Variants in ZNF521 observed in about 807,000 individuals in gnomAD.
ZNF521 encodes zinc finger protein 521.
In ZNF521, 14 loss-of-function variants were observed where a neutral mutation model predicts 105.5. That is an observed-to-expected ratio of 0.13 (90% CI 0.09 to 0.21). The LOEUF (loss-of-function observed/expected upper bound fraction) is 0.21. Ranked by LOEUF, ZNF521 falls within the 10% of genes least tolerant of loss-of-function variation. The probability of loss-of-function intolerance (pLI) is 1.00; values close to 1 mark genes in which losing one functional copy is unlikely to be tolerated. For synonymous variants in ZNF521, 635 were observed against 606.0 expected (o/e 1.05, Z -0.70); for missense variants, 1,233 against 1,629.7 (o/e 0.76, Z 4.19).
intron 3 of ZNF521, among the ~76,000 whole-genome samples, chr18:25,243,300 C>T (rs1187434157): frequency 3.3e-5 from 5 of 152,132 alleles, no homozygotes; most frequent in South Asian, 2.1e-4. Flanking sequence ...CCTCAATTTA[C>T]GTCTACTCAA....
intron 3 of ZNF521, among the ~76,000 whole-genome samples, chr18:25,232,807 T>A (rs181324734): frequency 1.3e-5 from 2 of 152,216 alleles, no homozygotes. Context: ...TTCAGTAAAT[T>A]TTTTTTTGAG....
At position 25,225,311 on chromosome 18, in the gene ZNF521, G is replaced by A. The variant is rs1275587861; in HGVS notation, c.2607C>T (p.His869=). Residue 869 remains histidine, a synonymous_variant, in exon 4 of 8, where the codon CAC becomes CAT. Transcript: ENST00000361524. The surrounding 1 kb of genome is among the most constrained non-coding windows in gnomAD (Gnocchi z 5.6). ...CTTCTTCGCTCCCATCGTGACTGTTGTGGGACTCCTGGCTGTTGGTCAGCA... is the reference window on the plus strand; with the variant it reads ...CTTCTTCGCTCCCATCGTGACTGTTATGGGACTCCTGGCTGTTGGTCAGCA... ...QTLLTNSQES[H]NSHDGSEEDV... is the part of the protein sequence containing the mutation. 6.2e-7 allele frequency: 1 copy of A among 1,614,144 alleles called. No individual in the cohort carries two copies. The highest frequency in any genetic ancestry group is 2.2e-5 in the East Asian group (1 of 44,882).
intron 2 of ZNF521, among the ~76,000 whole-genome samples, chr18:25,349,609 G>A (rs1203098291): frequency 1.3e-5 from 2 of 152,012 alleles, no homozygotes; most frequent in East Asian, 1.9e-4. Context: ...GGGGCCGGGA[G>A]GCGTGGGGCG....
chr18:25,303,270 T>C (rs1010558251), intron 3 of ZNF521, among the ~76,000 whole-genome samples: 3 of 124,864 alleles, frequency 2.4e-5, no homozygotes, highest in African/African-American at 9.6e-5. Flanking sequence ...TTTCTTTCTT[T>C]CGTGTGTGTG....
intron 5 of ZNF521, among the ~76,000 whole-genome samples, chr18:25,173,010 A>C (rs1163444549): frequency 1.3e-5 from 2 of 152,246 alleles, no homozygotes; most frequent in African/African-American, 2.4e-5. Context: ...GAAGTACGCA[A>C]ACGGTTTTAC....
intron 5 of ZNF521, among the ~76,000 whole-genome samples, chr18:25,121,643 A>C (rs572908306): frequency 6.6e-6 from 1 of 152,060 alleles, no homozygotes; most frequent in African/African-American, 2.4e-5. Flanking sequence ...CTTCCCCACC[A>C]CTGGAGGGGG....
intron 3 of ZNF521, among the ~76,000 whole-genome samples, chr18:25,277,388 A>T (rs987700456): frequency 4.6e-5 from 7 of 152,246 alleles, no homozygotes; most frequent in Admixed American, 1.3e-4. Context: ...CATATATAGG[A>T]AGTAAGAGAA....
At chr18:25,097,534 C>T (rs62082231) in intron 5 of ZNF521, among the ~76,000 whole-genome samples, 36,030 of 151,936 alleles carry the variant, frequency 0.24, 4,399 homozygotes, top group East Asian at 0.3. Context: ...GGAGTTTTGT[C>T]ACTGGCAATA....
rs376403853 is a variant in ZNF521 at position 25,245,853 on chromosome 18, A to C, written c.221-18156T>G. 1.4e-4 allele frequency among the ~76,000 whole-genome samples: 21 copies of C among 152,282 alleles called. No individual in the cohort carries two copies. In the South Asian group the frequency reaches 1.7e-3, roughly 12 times the overall value. ...CATAGTGAGACCCATCTCTACAAAA[A>C]ATTTAAAAATTAGCCAGATGTGATG... is the stretch of plus-strand genomic sequence containing the variant. On this transcript the variant is annotated intron_variant, in intron 3 of 7. Transcript: ENST00000361524.
chr18:25,226,203 T>C lies in ZNF521; in HGVS notation c.1715A>G (p.Asn572Ser), dbSNP rs1906115906. Residue 572 changes from asparagine (N) to serine (S), a missense_variant, in exon 4 of 8, where the codon AAC becomes AGC. This residue lies in a region of ZNF521 where 380 missense variants were observed against 478.0 expected (regional missense o/e 0.80). Coordinates refer to ENST00000361524, the MANE Select transcript of ZNF521 (RefSeq NM_015461.3). The surrounding 1 kb of genome is among the most constrained non-coding windows in gnomAD (Gnocchi z 4.1). Reference sequence around the variant, plus strand: ...ATGCTTGTTCAGTTTAAGAACGCTGTTGAATATTGGCGAATTTGTACAATA... The same window carrying C: ...ATGCTTGTTCAGTTTAAGAACGCTGCTGAATATTGGCGAATTTGTACAATA... Reference protein sequence around the residue: ...CSYCTNSPIFNSVLKLNKHIK... With the variant: ...CSYCTNSPIFSSVLKLNKHIK... 6.2e-7 allele frequency: 1 copy of C among 1,614,192 alleles called. No homozygotes were observed.
chr18:25,350,439 G>A (rs2145240822), intron 2 of ZNF521, among the ~76,000 whole-genome samples: 1 of 152,248 alleles, frequency 6.6e-6, no homozygotes, highest in South Asian at 2.1e-4. Flanking sequence ...GTCACGAGCG[G>A]GGGCTGCTCC....
At chr18:25,281,712 T>G (rs997893456) in intron 3 of ZNF521, among the ~76,000 whole-genome samples, 2 of 152,278 alleles carry the variant, frequency 1.3e-5, no homozygotes, top group Non-Finnish European at 1.5e-5. Flanking sequence ...TATTAAAAGG[T>G]GGAGCTAGAA....
intron 5 of ZNF521, among the ~76,000 whole-genome samples, chr18:25,172,999 T>C (rs1044753692): frequency 1.3e-4 from 20 of 152,224 alleles, no homozygotes; most frequent in African/African-American, 4.8e-4. Context: ...TTCACGTAAC[T>C]GAAGTACGCA....
chr18:25,197,781 T>C (rs2035927123), intron 4 of ZNF521, among the ~76,000 whole-genome samples: 1 of 151,788 alleles, frequency 6.6e-6, no homozygotes, highest in South Asian at 2.1e-4. Context: ...ATTAGCCCCT[T>C]TTCAGACTGA....
chr18:25,161,540 C>T (rs2035251662), intron 5 of ZNF521, among the ~76,000 whole-genome samples: 1 of 152,180 alleles, frequency 6.6e-6, no homozygotes, highest in Non-Finnish European at 1.5e-5. Context: ...ATTCTTCCCA[C>T]TAGTCACAGT....
At chr18:25,094,228 G>A (rs753208128) in intron 5 of ZNF521, among the ~76,000 whole-genome samples, 10 of 152,100 alleles carry the variant, frequency 6.6e-5, no homozygotes, top group Non-Finnish European at 1.3e-4. Flanking sequence ...AGGATGTTCT[G>A]TAATGTAATA....
intron 3 of ZNF521, among the ~76,000 whole-genome samples, chr18:25,277,097 C>T (rs1910079325): frequency 6.6e-6 from 1 of 151,568 alleles, no homozygotes; most frequent in Admixed American, 6.6e-5. Context: ...GCAGGACAAT[C>T]GCTTGAACCT....
At chr18:25,132,343 A>G (rs1436540543) in intron 5 of ZNF521, among the ~76,000 whole-genome samples, 1 of 152,186 alleles carries the variant, frequency 6.6e-6, no homozygotes, top group Non-Finnish European at 1.5e-5. Flanking sequence ...GATGACTGCA[A>G]TAAATGGTAG....
At chr18:25,245,124 T>TAA (rs1907613633) in intron 3 of ZNF521, among the ~76,000 whole-genome samples, 2 of 152,226 alleles carry the variant, frequency 1.3e-5, no homozygotes, top group African/African-American at 4.8e-5. Flanking sequence ...TTTGCAAGGT[T>TAA]GTTTAGCCTC....
Sources: allele counts gnomAD v4.1 joint callset (sites outside exome capture counted in the v4.1 genomes callset), GRCh38; gene constraint gnomAD v4.1.1; regional missense constraint gnomAD v4.1.1; non-coding constraint Gnocchi (gnomAD v3.1); transcripts MANE v1.5; gene names NCBI Gene and HGNC (gene_info 2026-07-23, HGNC 2026-07-21).